Variants in SOCS7 observed in about 807,000 individuals in gnomAD.
SOCS7 encodes the protein NAP-4.
Under a neutral mutation model 58.9 loss-of-function variants are expected in SOCS7, and 18 were observed. The ratio of observed to expected loss-of-function variants is 0.31; its 90% confidence interval spans 0.21 to 0.45. The LOEUF (loss-of-function observed/expected upper bound fraction) is 0.45. SOCS7 is among the 20% of genes least tolerant of loss of function. The pLI, the probability that SOCS7 is intolerant of heterozygous loss-of-function variation, is 1.00. For missense variants in SOCS7, 667 were observed against 837.3 expected (o/e 0.80, Z 2.51); for synonymous variants, 388 against 364.3 (o/e 1.06, Z -0.74).
intron 7 of SOCS7, among the ~76,000 whole-genome samples, chr17:38,381,827 G>C (rs1399882626): frequency 6.6e-6 from 1 of 151,688 alleles, no homozygotes; most frequent in Non-Finnish European, 1.5e-5. Flanking sequence ...AGTTGGGCAT[G>C]GTGGTGCACA....
chr17:38,372,088 C>T (rs942700953), intron 6 of SOCS7, among the ~76,000 whole-genome samples: 7 of 152,022 alleles, frequency 4.6e-5, no homozygotes, highest in African/African-American at 1.2e-4. Context: ...GTTTGAACTG[C>T]GCAGGTCTGC....
chr17:38,382,460 A>C (rs953518927), intron 7 of SOCS7, among the ~76,000 whole-genome samples: 1 of 150,700 alleles, frequency 6.6e-6, no homozygotes, highest in African/African-American at 2.5e-5. Context: ...AAAAAAAAAA[A>C]ATCATGCTTT....
chr17:38,364,953 G>T, intron 3 of SOCS7, 97 bp downstream of exon 3: 1 of 852,520 alleles, frequency 1.2e-6, no homozygotes, highest in Non-Finnish European at 1.9e-6. Context: ...CTGGGTTTCC[G>T]ATGATGACTC....
At chr17:38,384,616 G>C (rs1365199702) in intron 7 of SOCS7, among the ~76,000 whole-genome samples, 2 of 151,244 alleles carry the variant, frequency 1.3e-5, no homozygotes, top group African/African-American at 4.9e-5. Flanking sequence ...CTTTGAGATG[G>C]AGTCTCCCTC....
At chr17:38,388,697 T>G (rs2038112858) in intron 7 of SOCS7, among the ~76,000 whole-genome samples, 1 of 152,226 alleles carries the variant, frequency 6.6e-6, no homozygotes, top group East Asian at 1.9e-4. Flanking sequence ...TAATCTGTTT[T>G]CCGTTTCTAT....
chr17:38,383,990 C>T (rs1193680358), intron 7 of SOCS7, among the ~76,000 whole-genome samples: 1 of 152,160 alleles, frequency 6.6e-6, no homozygotes, highest in Non-Finnish European at 1.5e-5. Flanking sequence ...CTGAGCATCT[C>T]CCCAGTAAGC....
intron 7 of SOCS7, among the ~76,000 whole-genome samples, chr17:38,386,323 C>CAAAA (rs548448434): frequency 5.8e-5 from 3 of 51,796 alleles, no homozygotes; most frequent in Admixed American, 2.2e-4. Context: ...GGCTGTGTCT[C>CAAAA]AAAAAAAAAA....
At chr17:38,397,237 G>C (rs1317224338) in intron 9 of SOCS7, among the ~76,000 whole-genome samples, 1 of 152,212 alleles carries the variant, frequency 6.6e-6, no homozygotes, top group Admixed American at 6.5e-5. Flanking sequence ...TCCTAAGGAA[G>C]AGAGTGATTA....
rs1244941987 is a variant in SOCS7, at chr17:38,400,555, A to G, written c.*1073A>G. Reference sequence around the variant, plus strand: ...TGTGCTCTTCCTAGAGGAAGCTCTCAGAACGCAGCCCTCACGGGATTTCCT... The same window carrying G: ...TGTGCTCTTCCTAGAGGAAGCTCTCGGAACGCAGCCCTCACGGGATTTCCT... On this transcript the variant is annotated 3_prime_UTR_variant, in exon 10 of 10. Coordinates refer to ENST00000612932, the MANE Select transcript of SOCS7 (RefSeq NM_014598.4). 1 of 152,228 alleles carries G rather than the reference A, an allele frequency of 6.6e-6. No individual in the cohort carries two copies. Among genetic ancestry groups the G allele is most frequent in the Non-Finnish European group, 1.5e-5 (1 of 68,046 alleles). 9.4% of individuals were successfully genotyped at this position (152,228 alleles called of 1,614,324 possible).
chr17:38,369,795 GTT>G (rs929109311), intron 6 of SOCS7, among the ~76,000 whole-genome samples: 4 of 127,986 alleles, frequency 3.1e-5, no homozygotes, highest in Admixed American at 8.1e-5. Flanking sequence ...TTTTTTGTTT[GTT>G]TTTTTTTTTT....
chr17:38,361,542 A>T (rs2144324123), intron 1 of SOCS7, among the ~76,000 whole-genome samples, 169 bp from the exon 2 acceptor site: 1 of 152,328 alleles, frequency 6.6e-6, no homozygotes, highest in South Asian at 2.1e-4. Flanking sequence ...GAATTGCCTT[A>T]ATTATTTCAT....
Position 38,395,463 on chromosome 17 carries a change from G to A in SOCS7, c.1817+19G>A, listed in dbSNP as rs1220025034. On this transcript the variant is annotated intron_variant, in intron 8 of 9. Transcript: ENST00000612932. ...TGCCTAAGTACAATGGGGTTGTCAG[G>A]TTTGGGACAGGAATGAGTAAGGGGG... The A allele has an allele frequency of 6.2e-7, 1 of 1,609,580 alleles. No homozygotes were observed. The highest frequency in any genetic ancestry group is 1.3e-5 in the African/African-American group (1 of 74,866).
At chr17:38,365,669 C>G in intron 4 of SOCS7, 1 of 365,690 alleles carries the variant, frequency 2.7e-6, no homozygotes, top group Non-Finnish European at 4.9e-6. Flanking sequence ...GCTGCTGAGA[C>G]TGTTTTGCAA....
chr17:38,387,916 C>T (rs1597708013), intron 7 of SOCS7, among the ~76,000 whole-genome samples: 1 of 151,318 alleles, frequency 6.6e-6, no homozygotes, highest in South Asian at 2.1e-4. Context: ...ATTACAGGCA[C>T]GTGCCACTAC....
In SOCS7 at chr17:38,403,889, ATCTT is replaced by A. The variant is rs2144423907; in HGVS notation, c.*4413_*4416del. On this transcript the variant is annotated 3_prime_UTR_variant, in exon 10 of 10. Coordinates refer to ENST00000612932, the MANE Select transcript of SOCS7 (RefSeq NM_014598.4). Reference sequence around the variant, plus strand: ...TTTGTGCTATTGCATACATGTAGCCATCTTTCTTTTCACTGCAGCAGTGTTTATC... The same window carrying A: ...TTTGTGCTATTGCATACATGTAGCCATCTTTTCACTGCAGCAGTGTTTATC... The A allele has an allele frequency of 6.6e-6, 1 of 152,256 alleles. No homozygotes were observed. Among genetic ancestry groups the A allele is most frequent in the East Asian group, 1.9e-4 (1 of 5,180 alleles). 9.4% of individuals were successfully genotyped at this position (152,256 alleles called of 1,614,324 possible).
chr17:38,392,198 A>G (rs1339977831), intron 7 of SOCS7, among the ~76,000 whole-genome samples: 2 of 152,240 alleles, frequency 1.3e-5, no homozygotes, highest in Admixed American at 6.5e-5. Flanking sequence ...ATACCAGGGA[A>G]TATCAGAAAA....
chr17:38,398,647 G>A (rs2038276109), intron 9 of SOCS7, among the ~76,000 whole-genome samples: 1 of 152,160 alleles, frequency 6.6e-6, no homozygotes, highest in Non-Finnish European at 1.5e-5. Context: ...GTCTATGTGT[G>A]CTGTTACCTG....
chr17:38,390,870 A>G (rs2038164515), intron 7 of SOCS7, among the ~76,000 whole-genome samples: 1 of 151,702 alleles, frequency 6.6e-6, no homozygotes, highest in South Asian at 2.1e-4. Flanking sequence ...TGATCTTTAT[A>G]TTTTTAGTAG....
chr17:38,353,176 C>T, intron 1 of SOCS7, 144 bp downstream of exon 1: 3 of 738,250 alleles, frequency 4.1e-6, no homozygotes, highest in Non-Finnish European at 4.3e-6. Context: ...GGTAACATCT[C>T]GCATAAGGTC....
Sources: gnomAD v4.1 joint callset for allele counts (sites outside exome capture counted in the v4.1 genomes callset) on GRCh38, gnomAD v4.1.1 for gene constraint, MANE v1.5 for transcripts, NCBI Gene and HGNC (gene_info 2026-07-23, HGNC 2026-07-21) for gene names.